COL5A2: variants seen among roughly 807,000 people sequenced by gnomAD.
The protein encoded by COL5A2 is collagen alpha-2(V) chain.
Under a neutral mutation model 208.2 loss-of-function variants are expected in COL5A2, and 23 were observed. The observed-to-expected ratio is 0.11, with a 90% CI of 0.08 to 0.16. The LOEUF (loss-of-function observed/expected upper bound fraction) is 0.16. Among genes scored for constraint, COL5A2 ranks in the 10% least tolerant of loss-of-function variants. The probability of loss-of-function intolerance (pLI) is 1.00; values close to 1 mark genes in which losing one functional copy is unlikely to be tolerated. For missense variants in COL5A2, 1,590 were observed against 1,956.4 expected, an observed-to-expected ratio of 0.81 and a Z score of 3.53; for synonymous variants, 625 against 628.5, an observed-to-expected ratio of 0.99 and a Z score of 0.08.
chr2:189,156,060 A>G (rs1688240605), intron 1 of COL5A2, among the ~76,000 whole-genome samples: 1 of 152,150 alleles, frequency 6.6e-6, no homozygotes, highest in Admixed American at 6.6e-5. Flanking sequence ...TGGAGATTAC[A>G]TGGGGCCCAG....
rs201894685 is a variant in COL5A2 at position 189,063,187 on chromosome 2, G to A, written c.1854C>T (p.Gly618=). ...CTGTACTCACACTGCTACCTTTGGGGCCTGGAAGGCCCATGCTCCCGGGCT... is the reference window on the plus strand; with the variant it reads ...CTGTACTCACACTGCTACCTTTGGGACCTGGAAGGCCCATGCTCCCGGGCT... ...RGQPGSMGLP[G]PKGSSGDPGK... The change falls in exon 27 of 54, where the codon GGC becomes GGT. Residue 618 remains glycine (G), a synonymous_variant. Transcript: ENST00000374866. 1 of 1,614,096 alleles carries A rather than the reference G, an allele frequency of 6.2e-7. No individual in the cohort carries two copies. Among genetic ancestry groups the A allele is most frequent in the East Asian group, 2.2e-5 (1 of 44,880 alleles).
intron 1 of COL5A2, among the ~76,000 whole-genome samples, chr2:189,212,634 G>A (rs1377349195): frequency 1.4e-5 from 2 of 141,860 alleles, no homozygotes; most frequent in Admixed American, 1.4e-4. Flanking sequence ...GCAAGACTCA[G>A]TCTCAAAAAA....
chr2:189,387,273 A>T, the COL5A2 span, among the ~76,000 whole-genome samples: 3 of 152,146 alleles, frequency 2.0e-5, no homozygotes, highest in African/African-American at 7.2e-5. Context: ...TTGGATACAC[A>T]TGGACAAAAA....
In COL5A2 at chr2:189,052,177, G is replaced by C. The variant is rs1349278394; in HGVS notation, c.2764C>G (p.Pro922Ala). ...GTCTCACTAAGTTGACTTACAGCAG[G>C]GCCTGGAGGTCCAACTCTGCCCGCA... ...GSAGRVGPPGPAGAPGPAGPL... is the reference protein window; with the variant it reads ...GSAGRVGPPGAAGAPGPAGPL... Residue 922 changes from proline to alanine, a missense_variant, in exon 41 of 54, where the codon CCT becomes GCT. Physicochemically the swap from Pro to Ala is conservative, Grantham distance 27. Coordinates refer to ENST00000374866, the MANE Select transcript of COL5A2 (RefSeq NM_000393.5). 5.6e-6 allele frequency: 9 copies of C among 1,613,594 alleles called. No homozygotes were observed. The highest frequency in any genetic ancestry group is 4.5e-5 in the East Asian group (2 of 44,826).
chr2:189,402,409 T>C, the COL5A2 span, among the ~76,000 whole-genome samples: 51 of 152,084 alleles, frequency 3.4e-4, no homozygotes, highest in Non-Finnish European at 4.4e-5. Context: ...TTAGTAGAGA[T>C]GGGGTTTCAT....
chr2:189,292,015 T>A, the COL5A2 span, among the ~76,000 whole-genome samples: 1 of 152,132 alleles, frequency 6.6e-6, no homozygotes, highest in Non-Finnish European at 1.5e-5. Context: ...CAGAAGGAAA[T>A]CACTTTAAGC....
At chr2:189,058,401 A>C in intron 33 of COL5A2, 28 bp downstream of exon 33, 1 of 1,563,412 alleles carries the variant, frequency 6.4e-7, no homozygotes, top group Non-Finnish European at 8.8e-7. Context: ...AAAGCATTTT[A>C]AAACACTGAG....
At chr2:189,093,246 T>A (rs565785035) in intron 6 of COL5A2, among the ~76,000 whole-genome samples, 1 of 152,326 alleles carries the variant, frequency 6.6e-6, no homozygotes, top group East Asian at 1.9e-4. Context: ...GCTAGTTAAG[T>A]ATTTTCTGGC....
chr2:189,059,584 GGTTTTTTT>G (rs1402709943), intron 31 of COL5A2, among the ~76,000 whole-genome samples: 527 of 21,254 alleles, frequency 0.025, 9 homozygotes, highest in Middle Eastern at 0.05. Flanking sequence ...TTTCTTTTCT[GGTTTTTTT>G]TTTTTTTTTT....
At chr2:189,410,126 T>C in the COL5A2 span, among the ~76,000 whole-genome samples, 3 of 152,202 alleles carry the variant, frequency 2.0e-5, no homozygotes, top group Admixed American at 6.6e-5. Flanking sequence ...CCAGTGATAC[T>C]AAAAGCTAGA....
intron 1 of COL5A2, among the ~76,000 whole-genome samples, chr2:189,207,661 C>A (rs576163279): frequency 6.6e-6 from 1 of 152,290 alleles, no homozygotes; most frequent in Non-Finnish European, 1.5e-5. Context: ...CAAACAACTT[C>A]TCCATGTTAG....
chr2:189,211,775 G>GT (rs1302500968), intron 1 of COL5A2, among the ~76,000 whole-genome samples: 1 of 152,212 alleles, frequency 6.6e-6, no homozygotes, highest in African/African-American at 2.4e-5. Flanking sequence ...TGACTGCATA[G>GT]TTTTTGGCTC....
intron 50 of COL5A2, 69 bp downstream of exon 50, chr2:189,041,517 C>T: frequency 1.6e-6 from 2 of 1,254,910 alleles, no homozygotes; most frequent in Non-Finnish European, 2.3e-6. Context: ...GCTGCACAGA[C>T]ATTTCTTGGA....
the COL5A2 span, among the ~76,000 whole-genome samples, chr2:189,411,572 C>T: frequency 1.3e-5 from 2 of 152,074 alleles, no homozygotes. Context: ...TGTCGGTAGA[C>T]TTTCAAAGTA....
At chr2:189,172,492 T>C (rs1688590786) in intron 1 of COL5A2, among the ~76,000 whole-genome samples, 1 of 152,198 alleles carries the variant, frequency 6.6e-6, no homozygotes, top group Non-Finnish European at 1.5e-5. Flanking sequence ...TCTTAAATGG[T>C]CCTCCTAAGA....
the COL5A2 span, among the ~76,000 whole-genome samples, chr2:189,244,847 C>T: frequency 1.3e-5 from 2 of 152,160 alleles, no homozygotes; most frequent in African/African-American, 2.4e-5. Context: ...ATACCTGAGA[C>T]TGGGTTACTT....
intron 17 of COL5A2, among the ~76,000 whole-genome samples, chr2:189,072,765 CAAAA>C: frequency 3.0e-5 from 2 of 67,530 alleles, no homozygotes; most frequent in Admixed American, 2.0e-4. Flanking sequence ...ACTCCATCTC[CAAAA>C]AAAAAAAAAA....
At chr2:189,346,061 A>C in the COL5A2 span, among the ~76,000 whole-genome samples, 2 of 152,330 alleles carry the variant, frequency 1.3e-5, no homozygotes, top group African/African-American at 4.8e-5. Flanking sequence ...AATGATGATT[A>C]GTTTAAAAAA....
intron 7 of COL5A2, among the ~76,000 whole-genome samples, chr2:189,089,442 T>A (rs1369291387): frequency 2.0e-5 from 3 of 152,360 alleles, no homozygotes; most frequent in African/African-American, 7.2e-5. Context: ...ATGTGTGTAC[T>A]GTTTATAAAT....
Sources: allele counts gnomAD v4.1 joint callset (sites outside exome capture counted in the v4.1 genomes callset), GRCh38; gene constraint gnomAD v4.1.1; transcripts MANE v1.5; gene names NCBI Gene and HGNC (gene_info 2026-07-23, HGNC 2026-07-21).